Variants in ABCC3 observed in about 807,000 individuals in gnomAD.
The protein encoded by ABCC3 is ATP binding cassette subfamily C member 3.
Under a neutral mutation model 165.3 loss-of-function variants are expected in ABCC3, and 121 were observed. The ratio of observed to expected loss-of-function variants is 0.73; its 90% CI spans 0.63 to 0.85. ABCC3 has a LOEUF of 0.85. ABCC3 is among the 40% of genes least tolerant of loss of function. The probability of loss-of-function intolerance (pLI) is 0.00; values close to 1 mark genes in which losing one functional copy is unlikely to be tolerated. For synonymous variants in ABCC3, 733 were observed against 810.1 expected, an observed-to-expected ratio of 0.90 and a Z score of 1.62; for missense variants, 1,869 against 1,964.1, an observed-to-expected ratio of 0.95 and a Z score of 0.92.
At chr17:50,680,880 G>A (rs970824483) in intron 26 of ABCC3, among the ~76,000 whole-genome samples, 1 of 152,030 alleles carries the variant, frequency 6.6e-6, no homozygotes, top group East Asian at 1.9e-4. Context: ...TTCAAAACCA[G>A]CCTGGCCAAC....
intron 1 of ABCC3, among the ~76,000 whole-genome samples, chr17:50,639,808 G>C (rs2146585798): frequency 6.6e-6 from 1 of 151,484 alleles, no homozygotes; most frequent in East Asian, 1.9e-4. Context: ...CTGTCGCCCA[G>C]GCTGAAGTGC....
intron 28 of ABCC3, 133 bp from the exon 29 acceptor site, chr17:50,684,576 T>C: frequency 2.1e-6 from 2 of 964,742 alleles, no homozygotes; most frequent in Non-Finnish European, 3.0e-6. Context: ...CTTTGGCCAT[T>C]GTGTCCTCTG....
At chr17:50,644,745 G>T (rs1373925959) in intron 1 of ABCC3, among the ~76,000 whole-genome samples, 3 of 149,972 alleles carry the variant, frequency 2.0e-5, no homozygotes, top group East Asian at 4.0e-4. Flanking sequence ...AAGGCCGGGT[G>T]CAGTGGCTCA....
intron 7 of ABCC3, 62 bp from the exon 8 acceptor site, chr17:50,660,861 C>G: frequency 6.7e-7 from 1 of 1,483,432 alleles, no homozygotes; most frequent in Admixed American, 2.1e-5. Flanking sequence ...CCAGCCTAGC[C>G]CTTGGCTTCC....
rs758954105 is a variant in ABCC3, at chr17:50,665,255, G to T, written c.1431+10G>T. The T allele has an allele frequency of 2.5e-6, 4 of 1,613,560 alleles. No homozygotes were observed. ...GATGCGCGCCTTCCAGGTAGGTGCT[G>T]TCAGAGGTGCATCCTCCTGCCTGCA... On this transcript the variant is annotated intron_variant, in intron 11 of 30. Transcript: ENST00000285238.
rs1332341175 is a variant in ABCC3 at position 50,669,381 on chromosome 17, A to G, written c.2094A>G (p.Ala698=). ...KGSVAYVPQQ[A]WIQNCTLQEN... Reference sequence around the variant, plus strand: ...CCGTGGCCTATGTGCCCCAGCAGGCATGGATCCAGAACTGCACTCTTCAGG... The same window carrying G: ...CCGTGGCCTATGTGCCCCAGCAGGCGTGGATCCAGAACTGCACTCTTCAGG... Residue 698 remains alanine (A), a synonymous_variant, in exon 17 of 31, where the codon GCA becomes GCG. Coordinates refer to ENST00000285238, the MANE Select transcript of ABCC3 (RefSeq NM_003786.4). The G allele has an allele frequency of 6.2e-7, 1 of 1,614,214 alleles. No individual in the cohort carries two copies. The highest frequency in any genetic ancestry group is 8.5e-7 in the Non-Finnish European group (1 of 1,180,028).
chr17:50,668,199 C>G (rs1296928712), intron 13 of ABCC3, among the ~76,000 whole-genome samples, 190 bp downstream of exon 13: 1 of 152,150 alleles, frequency 6.6e-6, no homozygotes, highest in Non-Finnish European at 1.5e-5. Context: ...CACAGGTGGT[C>G]AGGTCGGGTG....
rs375669164 is a variant in ABCC3, at chr17:50,683,942, C to T, written c.3955-7C>T. On this transcript the variant is annotated splice_polypyrimidine_tract_variant and splice_region_variant and intron_variant, in intron 27 of 30. Coordinates refer to ENST00000285238, the MANE Select transcript of ABCC3 (RefSeq NM_003786.4). ...CCCCCTCAGAGCCCCTTCCCTTCTC[C>T]GCCCAGGTGGGGATCGTGGGCCGCA... 2.5e-5 allele frequency: 40 copies of T among 1,611,986 alleles called. No homozygotes were observed. Among genetic ancestry groups the T allele is most frequent in the East Asian group, 4.5e-5 (2 of 44,758 alleles).
chr17:50,685,012 A>G, intron 29 of ABCC3, 137 bp downstream of exon 29: 2 of 988,316 alleles, frequency 2.0e-6, no homozygotes, highest in Middle Eastern at 3.3e-4. Context: ...CGTATTGAGC[A>G]TATTCCGTGT....
intron 26 of ABCC3, among the ~76,000 whole-genome samples, chr17:50,681,257 G>T (rs1967923430): frequency 6.6e-6 from 1 of 152,058 alleles, no homozygotes; most frequent in Non-Finnish European, 1.5e-5. Context: ...CATCGACCTT[G>T]CCTGACACCT....
At position 50,673,654 on chromosome 17, in the gene ABCC3, G is replaced by T. The variant is rs758799663; in HGVS notation, c.2595G>T (p.Trp865Cys). The change falls in exon 19 of 31, where the codon TGG becomes TGT. Residue 865 changes from tryptophan to cysteine, a missense_variant. By Grantham distance (215) the Trp-to-Cys change is radical (BLOSUM62 -2). Coordinates refer to ENST00000285238, the MANE Select transcript of ABCC3 (RefSeq NM_003786.4). ...ACCAAGGGCACCTGGAGGACAGCTG[G>T]ACCGGTATCTGCCATCCTGGGCCCT... The part of the protein sequence containing the change: ...DEDQGHLEDS[W>C]TALEGAEDKE... The T allele has an allele frequency of 1.9e-6, 3 of 1,614,034 alleles. No individual in the cohort carries two copies. In the South Asian group the frequency reaches 3.3e-5, roughly 18 times the overall value.
At chr17:50,668,760 C>G in intron 14 of ABCC3, 93 bp from the exon 15 acceptor site, 1 of 1,075,894 alleles carries the variant, frequency 9.3e-7, no homozygotes, top group Admixed American at 1.9e-5. Context: ...CAGGCTCCTC[C>G]CCTGTCCTCC....
intron 1 of ABCC3, among the ~76,000 whole-genome samples, chr17:50,642,971 C>G (rs1310464362): frequency 6.6e-6 from 1 of 152,256 alleles, no homozygotes; most frequent in Non-Finnish European, 1.5e-5. Flanking sequence ...CTGGGCCTAA[C>G]AGTGCCCCTC....
intron 10 of ABCC3, 114 bp downstream of exon 10, chr17:50,664,225 G>A (rs1967469632): frequency 2.1e-6 from 3 of 1,407,138 alleles, no homozygotes; most frequent in Non-Finnish European, 1.9e-6. Context: ...CAGCTGCTCA[G>A]GCGGCTGAGG....
chr17:50,657,277 C>G, intron 4 of ABCC3, 94 bp downstream of exon 4: 2 of 1,478,296 alleles, frequency 1.4e-6, no homozygotes, highest in Non-Finnish European at 1.8e-6. Context: ...AGGTCCCTCC[C>G]TCGAGGCTTC....
intron 11 of ABCC3, among the ~76,000 whole-genome samples, chr17:50,665,734 T>C (rs574728374): frequency 9.8e-4 from 149 of 151,904 alleles, no homozygotes; most frequent in African/African-American, 3.4e-3. Flanking sequence ...GCCTCCCTAG[T>C]AGCTGGGACT....
intron 8 of ABCC3, among the ~76,000 whole-genome samples, chr17:50,663,002 G>A (rs1184370821): frequency 8.5e-5 from 13 of 152,240 alleles, no homozygotes; most frequent in East Asian, 1.9e-4. Flanking sequence ...GCCAGGGCTC[G>A]GGGGCAGGGG....
intron 30 of ABCC3, chr17:50,688,399 G>A (rs1968062116): frequency 2.0e-5 from 3 of 152,298 alleles, no homozygotes; most frequent in South Asian, 4.1e-4. Flanking sequence ...TCACCTTATT[G>A]GTGTCTCACA....
rs542175756 is a variant in ABCC3, at chr17:50,656,897, T to C, written c.348+70T>C. On this transcript the variant is annotated intron_variant, in intron 3 of 30. Coordinates refer to ENST00000285238, the MANE Select transcript of ABCC3 (RefSeq NM_003786.4). ...GGGTTGTGGACTGTGATAGGGAAAC[T>C]GTGGGCTCTGAGGAGAGGGCTGGAC... 19 of 1,553,492 alleles carry C rather than the reference T, an allele frequency of 1.2e-5. No homozygotes were observed. In the Admixed American group the frequency reaches 3.1e-4, roughly 25 times the overall value.
Sources: allele counts gnomAD v4.1 joint callset (sites outside exome capture counted in the v4.1 genomes callset), GRCh38; gene constraint gnomAD v4.1.1; transcripts MANE v1.5; gene names NCBI Gene and HGNC (gene_info 2026-07-23, HGNC 2026-07-21).